The following USP14 variants were observed in gnomAD, a reference collection of about 807,000 sequenced individuals.
USP14 encodes the protein ubiquitin specific peptidase 14, also known as ubiquitin carboxyl-terminal hydrolase 14.
In USP14, 38 loss-of-function variants were observed where a neutral mutation model predicts 76.5. That is an observed-to-expected ratio of 0.50 (90% CI 0.38 to 0.65). The LOEUF (loss-of-function observed/expected upper bound fraction) is 0.65. Among genes scored for constraint, USP14 ranks in the 30% least tolerant of loss-of-function variants. The pLI, the probability that USP14 is intolerant of heterozygous loss-of-function variation, is 0.00. For missense variants in USP14, 467 were observed against 586.5 expected (o/e 0.80, Z 2.10); for synonymous variants, 192 against 191.7 (o/e 1.00, Z -0.01).
At chr18:183,178 C>G (rs1169963649) in intron 5 of USP14, among the ~76,000 whole-genome samples, 1 of 152,008 alleles carries the variant, frequency 6.6e-6, no homozygotes, top group Non-Finnish European at 1.5e-5. Context: ...TTGCTTGGAG[C>G]AAGAGTCTAG....
chr18:179,133 C>CT, intron 4 of USP14, 96 bp downstream of exon 4: 1 of 785,694 alleles, frequency 1.3e-6, no homozygotes, highest in Non-Finnish European at 2.0e-6. Context: ...GTCTTGAAGA[C>CT]TTAATCATTA....
intron 7 of USP14, 44 bp from the exon 8 acceptor site, chr18:197,563 TTGTAGATCA>T (rs1910270971): frequency 1.4e-6 from 2 of 1,434,452 alleles, no homozygotes; most frequent in African/African-American, 2.8e-5. Flanking sequence ...TGGAAGAACT[TTGTAGATCA>T]TTCACTGCCA....
intron 3 of USP14, among the ~76,000 whole-genome samples, chr18:175,280 G>T (rs1428108798): frequency 6.6e-5 from 10 of 151,018 alleles, no homozygotes; most frequent in Non-Finnish European, 1.5e-5. Flanking sequence ...TTTCTTTATT[G>T]CAATGCTTAA....
At position 213,963 on chromosome 18, in the gene USP14, AAGATAGATAGATTAGATAGATAGAT is replaced by A. The variant is rs1910754780; in HGVS notation, c.*2692_*2716del. On this transcript the variant is annotated 3_prime_UTR_variant, in exon 16 of 16. Coordinates refer to ENST00000261601, the MANE Select transcript of USP14 (RefSeq NM_005151.4). ...CAAACAAACATTTTCTGTAATGGAC[AAGATAGATAGATTAGATAGATAGAT>A]AGATAGATAGATGATGATTGATTGA... 1 of 142,038 alleles carries A rather than the reference AAGATAGATAGATTAGATAGATAGAT, an allele frequency of 7.0e-6. No homozygotes were observed. Among genetic ancestry groups the A allele is most frequent in the Non-Finnish European group, 1.5e-5 (1 of 64,664 alleles). The allele number at this position is 142,038 out of a possible 1,614,324, so 8.8% of individuals were successfully genotyped here. A position where few individuals can be genotyped will look rare whatever the true frequency, so the allele number is the denominator to read the frequency against.
At chr18:181,256 T>C (rs931849790) in intron 5 of USP14, among the ~76,000 whole-genome samples, 2 of 152,220 alleles carry the variant, frequency 1.3e-5, no homozygotes, top group Admixed American at 1.3e-4. Flanking sequence ...ACTCTATGTT[T>C]AATGTTTTGA....
rs147205256 is a variant in USP14 at position 174,932 on chromosome 18, C to T, written c.196-4001C>T. On this transcript the variant is annotated intron_variant, in intron 3 of 15. Coordinates refer to ENST00000261601, the MANE Select transcript of USP14 (RefSeq NM_005151.4). Reference sequence around the variant, plus strand: ...CTGGGACTACAGGAATGTGCCACCACGCCGGACTAATTTTTGTGTTTTTAG... The same window carrying T: ...CTGGGACTACAGGAATGTGCCACCATGCCGGACTAATTTTTGTGTTTTTAG... Among the ~76,000 whole-genome samples the T allele has an allele frequency of 8.1e-3, 1,234 of 152,012 alleles. 15 individuals are homozygous for T. The highest frequency in any genetic ancestry group is 0.028 in the African/African-American group (1,144 of 41,438).
chr18:199,587 T>G (rs759814933), intron 10 of USP14, among the ~76,000 whole-genome samples: 9 of 152,182 alleles, frequency 5.9e-5, no homozygotes, highest in Non-Finnish European at 1.3e-4. Flanking sequence ...TTTCACTGTT[T>G]AAGATGACCC....
At chr18:183,604 C>T (rs1022249103) in intron 5 of USP14, among the ~76,000 whole-genome samples, 2 of 152,194 alleles carry the variant, frequency 1.3e-5, no homozygotes, top group Admixed American at 6.5e-5. Flanking sequence ...TTCTGTCTTA[C>T]ATTTTACTGA....
Position 212,233 on chromosome 18 carries a change from T to G in USP14, c.*949T>G, listed in dbSNP as rs1399489400. On this transcript the variant is annotated 3_prime_UTR_variant, in exon 16 of 16. Coordinates refer to ENST00000261601, the MANE Select transcript of USP14 (RefSeq NM_005151.4). ...ATACAAAGTTGTAAAAGTAATGGATTTCTTTGGATGCTGAATGCAGTGATG... is the reference window on the plus strand; with the variant it reads ...ATACAAAGTTGTAAAAGTAATGGATGTCTTTGGATGCTGAATGCAGTGATG... 6.6e-6 allele frequency: 1 copy of G among 152,238 alleles called. No homozygotes were observed. The highest frequency in any genetic ancestry group is 1.5e-5 in the Non-Finnish European group (1 of 68,046). 9.4% of individuals were successfully genotyped at this position (152,238 alleles called of 1,614,324 possible).
chr18:185,860 ATT>A (rs34807173), intron 5 of USP14, among the ~76,000 whole-genome samples: 85 of 124,972 alleles, frequency 6.8e-4, no homozygotes, highest in Admixed American at 8.2e-4. Flanking sequence ...TGCCCAGCTG[ATT>A]TTTTTTTTTT....
intron 14 of USP14, 155 bp downstream of exon 14, chr18:210,186 C>A: frequency 1.4e-6 from 1 of 727,094 alleles, no homozygotes. Flanking sequence ...AGTAAATTTA[C>A]TCATTGGCAT....
intron 1 of USP14, 82 bp downstream of exon 1, chr18:158,796 C>G (rs1909028034): frequency 4.6e-6 from 6 of 1,313,064 alleles, no homozygotes; most frequent in Middle Eastern, 2.8e-4. Flanking sequence ...CGGGCGGGCA[C>G]CCGGCATGGA....
At chr18:171,577 A>T (rs1172647190) in intron 3 of USP14, among the ~76,000 whole-genome samples, 1 of 152,174 alleles carries the variant, frequency 6.6e-6, no homozygotes, top group African/African-American at 2.4e-5. Flanking sequence ...CAATGCATCT[A>T]GTCACTTAAG....
chr18:184,282 C>A (rs918489673), intron 5 of USP14, among the ~76,000 whole-genome samples: 2 of 151,958 alleles, frequency 1.3e-5, no homozygotes, highest in South Asian at 4.1e-4. Flanking sequence ...CACTTACTAA[C>A]GTAATTGATA....
At chr18:202,736 G>A in intron 10 of USP14, 144 bp from the exon 11 acceptor site, 1 of 647,272 alleles carries the variant, frequency 1.5e-6, no homozygotes, top group Non-Finnish European at 2.6e-6. Context: ...ATCAAATTGT[G>A]TCTCAGTGGT....
At chr18:174,910 G>A (rs1222159554) in intron 3 of USP14, among the ~76,000 whole-genome samples, 1 of 152,046 alleles carries the variant, frequency 6.6e-6, no homozygotes, top group African/African-American at 2.4e-5. Context: ...CGAGTAGCTG[G>A]GACTACAGGA....
intron 1 of USP14, among the ~76,000 whole-genome samples, chr18:160,504 C>T (rs1909086757): frequency 6.6e-6 from 1 of 152,126 alleles, no homozygotes; most frequent in African/African-American, 2.4e-5. Flanking sequence ...GCCTGGGTGA[C>T]AGAGCAAGAC....
intron 2 of USP14, among the ~76,000 whole-genome samples, 178 bp downstream of exon 2, chr18:163,631 T>C (rs1034983001): frequency 6.6e-6 from 1 of 152,220 alleles, no homozygotes; most frequent in African/African-American, 2.4e-5. Context: ...AGAAATATTG[T>C]AGCTGTTTGA....
chr18:197,741 A>AT (rs35489764), intron 8 of USP14, 45 bp downstream of exon 8: 52,103 of 1,281,568 alleles, frequency 0.041, 1,937 homozygotes, highest in East Asian at 0.32. Flanking sequence ...TTATACCTTG[A>AT]TTTTTTTTTT....
Sources: gnomAD v4.1 joint callset for allele counts (sites outside exome capture counted in the v4.1 genomes callset) on GRCh38, gnomAD v4.1.1 for gene constraint, MANE v1.5 for transcripts, NCBI Gene and HGNC (gene_info 2026-07-23, HGNC 2026-07-21) for gene names.